Variants in SHANK2 observed in about 807,000 individuals in gnomAD.
SHANK2 encodes SH3 and multiple ankyrin repeat domains protein 2.
In SHANK2, 43 loss-of-function variants were observed where a neutral mutation model predicts 133.7. The observed-to-expected ratio is 0.32, with a 90% CI of 0.25 to 0.41. The LOEUF is 0.41. Ranked by LOEUF, SHANK2 falls within the 10% of genes least tolerant of loss-of-function variation. SHANK2 has a pLI of 1.00. For missense variants in SHANK2, 1,994 were observed against 2,235.8 expected, an observed-to-expected ratio of 0.89 and a Z score of 2.18; for synonymous variants, 1,017 against 952.8, an observed-to-expected ratio of 1.07 and a Z score of -1.24.
intron 17 of SHANK2, among the ~76,000 whole-genome samples, chr11:70,608,636 C>A (rs2060612243): frequency 6.6e-6 from 1 of 152,220 alleles, no homozygotes. Flanking sequence ...AGCCTGGGCC[C>A]CATCAGCCGC....
intron 10 of SHANK2, among the ~76,000 whole-genome samples, chr11:70,947,389 G>T (rs531375747): frequency 1.5e-5 from 2 of 133,050 alleles, no homozygotes; most frequent in Non-Finnish European, 3.1e-5. Context: ...AGTCTTGTCC[G>T]TCACCCAGAC....
chr11:71,072,114 C>T (rs1381706583), intron 9 of SHANK2, among the ~76,000 whole-genome samples: 3 of 152,176 alleles, frequency 2.0e-5, no homozygotes, highest in African/African-American at 7.2e-5. Flanking sequence ...CAGGAATTCA[C>T]CTGACTTTGA....
rs140362201 is a variant in SHANK2 at position 70,743,131 on chromosome 11, C to T, written c.1778-44368G>A. ...GCGGTGGGGACACAAAGGCACAGGG[C>T]GGGGGCTGGAGGGGAAACCTGCAGA... is the stretch of plus-strand genomic sequence containing the variant. On this transcript the variant is annotated intron_variant, in intron 14 of 25. Coordinates refer to ENST00000601538, the MANE Select transcript of SHANK2 (RefSeq NM_012309.5). Among the ~76,000 whole-genome samples, 428 of 152,276 alleles carry T rather than the reference C, an allele frequency of 2.8e-3. 3 individuals are homozygous for T. Among genetic ancestry groups the T allele is most frequent in the Non-Finnish European group, 4.1e-3 (277 of 68,026 alleles).
chr11:70,829,747 G>A (rs574238310), intron 11 of SHANK2, among the ~76,000 whole-genome samples: 15 of 152,316 alleles, frequency 9.8e-5, no homozygotes, highest in Admixed American at 9.8e-4. Flanking sequence ...GCCCACACTC[G>A]GAGGAGGCTG....
chr11:70,535,718 G>C lies in SHANK2; in HGVS notation c.2062-32787C>G, dbSNP rs558378623. ...GAGGATGGCCACCCAGGGGGACCGA[G>C]GCCAGCCCTGCAGCAGGGCCACCCA... On this transcript the variant is annotated intron_variant, in intron 17 of 25. Transcript: ENST00000601538. This position sits in a 1 kb window ranked among gnomAD's most constrained non-coding sequence, Gnocchi z 4.3. Among the ~76,000 whole-genome samples the C allele has an allele frequency of 6.6e-6, 1 of 152,362 alleles. No homozygotes were observed. Among genetic ancestry groups the C allele is most frequent in the African/African-American group, 2.4e-5 (1 of 41,584 alleles).
chr11:71,172,330 C>T (rs1590985905), intron 2 of SHANK2, among the ~76,000 whole-genome samples: 1 of 152,034 alleles, frequency 6.6e-6, no homozygotes, highest in African/African-American at 2.4e-5. Flanking sequence ...AAGAAACAGC[C>T]GCCGGGCACG....
intron 10 of SHANK2, among the ~76,000 whole-genome samples, chr11:70,898,612 A>C (rs1162842729): frequency 6.6e-6 from 1 of 152,214 alleles, no homozygotes; most frequent in African/African-American, 2.4e-5. Flanking sequence ...TGTGAGCGAT[A>C]AAATCAGATA....
At chr11:70,557,776 G>T (rs562416573) in intron 17 of SHANK2, among the ~76,000 whole-genome samples, 3 of 152,284 alleles carry the variant, frequency 2.0e-5, no homozygotes, top group Admixed American at 6.5e-5. Flanking sequence ...AGGAGGCTGG[G>T]CCTGCACGTT....
chr11:70,502,727 T>C (rs2059074331), intron 18 of SHANK2, 69 bp downstream of exon 18: 1 of 919,702 alleles, frequency 1.1e-6, no homozygotes, highest in African/African-American at 2.0e-5. Context: ...CCCCCAGCTG[T>C]CCTGCCCGCC....
intron 3 of SHANK2, among the ~76,000 whole-genome samples, chr11:71,124,196 G>GACAATAATGGTGAT (rs1555102151): frequency 2.4e-5 from 2 of 83,212 alleles, no homozygotes; most frequent in Non-Finnish European, 4.5e-5. Context: ...TGGTGATGGT[G>GACAATAATGGTGAT]ATGATGGTGG....
chr11:70,947,195 C>T (rs1047500315), intron 10 of SHANK2, among the ~76,000 whole-genome samples: 11 of 145,624 alleles, frequency 7.6e-5, no homozygotes, highest in Non-Finnish European at 1.0e-4. Context: ...ACACTCGTGA[C>T]GTTTCAAGGT....
chr11:70,866,422 G>A (rs1279381299), intron 11 of SHANK2, among the ~76,000 whole-genome samples: 7 of 152,188 alleles, frequency 4.6e-5, no homozygotes, highest in Non-Finnish European at 7.3e-5. Flanking sequence ...TTCTGAGAAC[G>A]AGATGCTGCT....
At chr11:70,599,913 A>AAGAAAGAAAGAAAGAAAGAAAGAT (rs2060463990) in intron 17 of SHANK2, among the ~76,000 whole-genome samples, 9 of 71,820 alleles carry the variant, frequency 1.3e-4, no homozygotes, top group African/African-American at 6.1e-4. Context: ...AAGAGAAAGA[A>AAGAAAGAAAGAAAGAAAGAAAGAT]AGAAAGAAAG....
Position 70,486,774 on chromosome 11 carries a change from C to A in SHANK2, c.3519G>T (p.Leu1173=). 1 of 1,611,572 alleles carries A rather than the reference C, an allele frequency of 6.2e-7. No homozygotes were observed. The highest frequency in any genetic ancestry group is 8.5e-7 in the Non-Finnish European group (1 of 1,179,944). The part of the protein sequence containing the change: ...ASAPGEAGRP[L]NSTSKAQGPE... ...GCCCCTGGGCTTTGGACGTGGAATT[C>A]AGCGGCCTCCCAGCCTCACCCGGAG... Residue 1173 remains leucine (L), a synonymous_variant, in exon 25 of 26, where the codon CTG becomes CTT. Coordinates refer to ENST00000601538, the MANE Select transcript of SHANK2 (RefSeq NM_012309.5). The surrounding 1 kb of genome is among the most constrained non-coding windows in gnomAD (Gnocchi z 8.0).
chr11:70,826,348 C>G, intron 11 of SHANK2: 1 of 432,920 alleles, frequency 2.3e-6, no homozygotes, highest in Middle Eastern at 3.5e-4. Flanking sequence ...CCCTGACATG[C>G]TAGGGATTAA....
intron 10 of SHANK2, among the ~76,000 whole-genome samples, chr11:70,916,822 G>A (rs1555079962): frequency 6.6e-6 from 1 of 152,092 alleles, no homozygotes; most frequent in African/African-American, 2.4e-5. Context: ...AGAAGAAACT[G>A]AACCCCAGCA....
At chr11:70,606,855 G>C (rs976790336) in intron 17 of SHANK2, among the ~76,000 whole-genome samples, 1 of 152,214 alleles carries the variant, frequency 6.6e-6, no homozygotes, top group Non-Finnish European at 1.5e-5. Flanking sequence ...TGATGTCTCT[G>C]AGCAACCCTG....
chr11:70,637,065 ATGTGTGTGCACG>A (rs145562534), intron 17 of SHANK2, among the ~76,000 whole-genome samples: 3 of 51,740 alleles, frequency 5.8e-5, no homozygotes, highest in Non-Finnish European at 1.6e-4. Flanking sequence ...GGGTGCATTC[ATGTGTGTGCACG>A]TGTGTGTGCA....
intron 6 of SHANK2, among the ~76,000 whole-genome samples, chr11:71,096,648 C>G (rs1951619513): frequency 6.6e-6 from 1 of 152,222 alleles, no homozygotes; most frequent in Non-Finnish European, 1.5e-5. Flanking sequence ...CGACGCTGAA[C>G]ATTCAAATCT....
Sources: allele counts gnomAD v4.1 joint callset (sites outside exome capture counted in the v4.1 genomes callset), GRCh38; gene constraint gnomAD v4.1.1; non-coding constraint Gnocchi (gnomAD v3.1); transcripts MANE v1.5; gene names NCBI Gene and HGNC (gene_info 2026-07-23, HGNC 2026-07-21).